The following KIAA1328 variants were observed in gnomAD, a reference collection of about 807,000 sequenced individuals.
The protein encoded by KIAA1328 is KIAA1328, also known as protein hinderin.
KIAA1328 carries 52 observed loss-of-function variants against 68.1 expected under a neutral mutation model. The observed-to-expected ratio is 0.76, with a 90% CI of 0.61 to 0.96. KIAA1328 has a LOEUF of 0.96. KIAA1328 is among the 40% of genes least tolerant of loss of function. KIAA1328 has a pLI of 0.00. For missense variants in KIAA1328, 641 were observed against 677.6 expected, an observed-to-expected ratio of 0.95 and a Z score of 0.60; for synonymous variants, 232 against 239.4, an observed-to-expected ratio of 0.97 and a Z score of 0.28.
intron 8 of KIAA1328, among the ~76,000 whole-genome samples, chr18:37,162,523 A>G (rs551611926): frequency 2.1e-4 from 32 of 152,296 alleles, no homozygotes; most frequent in African/African-American, 7.2e-4. Context: ...TACAGGGCAA[A>G]GTTATTGCAT....
At chr18:36,898,733 C>G (rs1263635983) in intron 5 of KIAA1328, among the ~76,000 whole-genome samples, 1 of 151,956 alleles carries the variant, frequency 6.6e-6, no homozygotes. Flanking sequence ...ATTTGCAATT[C>G]TAGTCAGCAG....
chr18:36,862,916 G>T (rs2047613848), intron 4 of KIAA1328, among the ~76,000 whole-genome samples: 2 of 152,146 alleles, frequency 1.3e-5, no homozygotes, highest in South Asian at 4.1e-4. Context: ...GGGCAGTGAT[G>T]TTGGACATTG....
At position 37,093,214 on chromosome 18, in the gene KIAA1328, T is replaced by C. The variant is rs549576491; in HGVS notation, c.1232+25669T>C. Among the ~76,000 whole-genome samples, 4 of 152,232 alleles carry C rather than the reference T, an allele frequency of 2.6e-5. No individual in the cohort carries two copies. In the East Asian group the frequency reaches 5.8e-4, roughly 22 times the overall value. On this transcript the variant is annotated intron_variant, in intron 7 of 9. Transcript: ENST00000280020. ...GACTGTTACACTGGATGCACAGATA[T>C]CAATATAAGGACACAAGAAATGTGA... is the stretch of plus-strand genomic sequence containing the variant.
At chr18:36,845,387 TGAG>T (rs1279325928) in intron 4 of KIAA1328, among the ~76,000 whole-genome samples, 2 of 151,784 alleles carry the variant, frequency 1.3e-5, no homozygotes, top group Non-Finnish European at 3.0e-5. Context: ...AGTCCTTTGA[TGAG>T]GAGTTATTAA....
intron 7 of KIAA1328, among the ~76,000 whole-genome samples, chr18:37,105,582 G>A (rs553059794): frequency 1.3e-5 from 2 of 150,832 alleles, no homozygotes; most frequent in African/African-American, 4.9e-5. Flanking sequence ...CCATAATAGA[G>A]GCATTTTCAA....
At chr18:36,928,016 G>T (rs1301835230) in intron 5 of KIAA1328, among the ~76,000 whole-genome samples, 1 of 152,156 alleles carries the variant, frequency 6.6e-6, no homozygotes, top group East Asian at 1.9e-4. Flanking sequence ...ATTTTCTATG[G>T]CGTAGAAAGC....
intron 9 of KIAA1328, among the ~76,000 whole-genome samples, chr18:37,184,127 A>G (rs902034782): frequency 6.6e-6 from 1 of 152,244 alleles, no homozygotes; most frequent in Non-Finnish European, 1.5e-5. Flanking sequence ...TTTTTAACTT[A>G]CCAGTTCATG....
intron 7 of KIAA1328, among the ~76,000 whole-genome samples, chr18:37,155,924 T>C (rs1243578199): frequency 3.3e-5 from 5 of 152,242 alleles, no homozygotes; most frequent in Non-Finnish European, 7.3e-5. Context: ...TTCTTACATT[T>C]TTCCTTATCT....
intron 4 of KIAA1328, among the ~76,000 whole-genome samples, chr18:36,850,956 A>C (rs574394557): frequency 8.5e-5 from 13 of 152,166 alleles, no homozygotes; most frequent in African/African-American, 2.9e-4. Context: ...TGGGTTTTTC[A>C]TAAGTGCCCT....
intron 7 of KIAA1328, among the ~76,000 whole-genome samples, chr18:37,080,854 C>T (rs2151797607): frequency 6.6e-6 from 1 of 151,970 alleles, no homozygotes; most frequent in Admixed American, 6.6e-5. Context: ...GTAGTTCTGC[C>T]ATTTCATGTA....
chr18:36,912,515 A>G (rs1265003706), intron 5 of KIAA1328, among the ~76,000 whole-genome samples: 1 of 152,166 alleles, frequency 6.6e-6, no homozygotes, highest in Non-Finnish European at 1.5e-5. Flanking sequence ...CCCTTTTGCC[A>G]AGTAATGTAA....
rs543712888 is a variant in KIAA1328 at position 36,860,658 on chromosome 18, T to C, written c.332+16356T>C. ...CAGTTCTGTGTGTTTACATGTATAT[T>C]TAAATTTTAACTCAGCATAATGTCA... On this transcript the variant is annotated intron_variant, in intron 4 of 9. Coordinates refer to ENST00000280020, the MANE Select transcript of KIAA1328 (RefSeq NM_020776.3). Among the ~76,000 whole-genome samples the C allele has an allele frequency of 3.9e-5, 6 of 152,318 alleles. No individual in the cohort carries two copies. In the South Asian group the frequency reaches 1.0e-3, roughly 26 times the overall value.
intron 7 of KIAA1328, among the ~76,000 whole-genome samples, chr18:37,108,126 T>C (rs2057825774): frequency 6.6e-6 from 1 of 152,200 alleles, no homozygotes; most frequent in Non-Finnish European, 1.5e-5. Context: ...TGAACCCAGG[T>C]ACCTATCAGT....
intron 7 of KIAA1328, among the ~76,000 whole-genome samples, chr18:37,154,259 C>T (rs939091197): frequency 6.6e-6 from 1 of 152,120 alleles, no homozygotes; most frequent in Non-Finnish European, 1.5e-5. Context: ...CTCAGTCCAT[C>T]GCTCTTATTA....
chr18:36,940,346 C>T (rs2050662018), intron 5 of KIAA1328, among the ~76,000 whole-genome samples: 1 of 152,180 alleles, frequency 6.6e-6, no homozygotes, highest in Admixed American at 6.5e-5. Context: ...CAGATGATAC[C>T]AGTGCTGCTG....
intron 4 of KIAA1328, among the ~76,000 whole-genome samples, chr18:36,844,685 A>G (rs1316914701): frequency 6.6e-6 from 1 of 151,876 alleles, no homozygotes; most frequent in Non-Finnish European, 1.5e-5. Flanking sequence ...ACTCACAAGA[A>G]TATCTATTAT....
At chr18:36,925,035 T>A (rs1406812866) in intron 5 of KIAA1328, 1 of 152,210 alleles carries the variant, frequency 6.6e-6, no homozygotes, top group Non-Finnish European at 1.5e-5. Context: ...GATACGGCCT[T>A]CAGACCTGTA....
chr18:37,223,136 A>G lies in KIAA1328; in HGVS notation c.*909A>G. On this transcript the variant is annotated 3_prime_UTR_variant, in exon 10 of 10. Transcript: ENST00000280020. ...AATGCCACTAGAGAGAGAGTGATGC[A>G]AGCTGCTGCAAAGCTGATGGGCTTC... 2 of 975,650 alleles carry G rather than the reference A, an allele frequency of 2.0e-6. No homozygotes were observed. Among genetic ancestry groups the G allele is most frequent in the Non-Finnish European group, 2.4e-6 (2 of 828,836 alleles). 60.4% of individuals were successfully genotyped at this position (975,650 alleles called of 1,614,324 possible).
chr18:36,859,439 A>G (rs2047485165), intron 4 of KIAA1328, among the ~76,000 whole-genome samples: 1 of 151,554 alleles, frequency 6.6e-6, no homozygotes, highest in Admixed American at 6.6e-5. Context: ...TAATGTCTAT[A>G]TCTAAATGAT....
Sources: gnomAD v4.1 joint callset for allele counts (sites outside exome capture counted in the v4.1 genomes callset) on GRCh38, gnomAD v4.1.1 for gene constraint, MANE v1.5 for transcripts, NCBI Gene and HGNC (gene_info 2026-07-23, HGNC 2026-07-21) for gene names.